RUFY3: variants seen among roughly 807,000 people sequenced by gnomAD.
RUFY3 encodes the protein protein RUFY3.
In RUFY3, 34 loss-of-function variants were observed where a neutral mutation model predicts 84.0. The observed-to-expected ratio is 0.40, with a 90% confidence interval of 0.31 to 0.54. The LOEUF (loss-of-function observed/expected upper bound fraction) is 0.54, where lower values mean the gene tolerates loss of function less well. Among genes scored for constraint, RUFY3 ranks in the 20% least tolerant of loss-of-function variants. The probability of loss-of-function intolerance (pLI) is 0.39; values close to 1 mark genes in which losing one functional copy is unlikely to be tolerated. For missense variants in RUFY3, 507 were observed against 736.8 expected, an observed-to-expected ratio of 0.69 and a Z score of 3.61; for synonymous variants, 242 against 252.9, an observed-to-expected ratio of 0.96 and a Z score of 0.41.
At chr4:70,752,308 T>TTG (rs139830851) in intron 1 of RUFY3, among the ~76,000 whole-genome samples, 11,122 of 151,602 alleles carry the variant, frequency 0.073, 641 homozygotes, top group East Asian at 0.21. Flanking sequence ...TGTACATACT[T>TTG]TGTGTGTGTG....
intron 1 of RUFY3, among the ~76,000 whole-genome samples, chr4:70,712,711 T>G (rs914776400): frequency 6.6e-6 from 1 of 152,164 alleles, no homozygotes; most frequent in South Asian, 2.1e-4. Context: ...ATGAAATAAT[T>G]TTTTTGTTGG....
At chr4:70,713,060 G>A (rs1741160593) in intron 1 of RUFY3, among the ~76,000 whole-genome samples, 1 of 152,142 alleles carries the variant, frequency 6.6e-6, no homozygotes, top group Non-Finnish European at 1.5e-5. Context: ...TTTCACTTTT[G>A]TTGCCCAGTT....
chr4:70,710,392 C>T (rs1015910604), intron 1 of RUFY3, among the ~76,000 whole-genome samples: 8 of 151,462 alleles, frequency 5.3e-5, no homozygotes, highest in South Asian at 4.2e-4. Flanking sequence ...CAGTAAAGGT[C>T]GGGTGCGGTG....
upstream of RUFY3, chr4:70,721,958 C>T: frequency 4.9e-6 from 6 of 1,232,068 alleles, no homozygotes; most frequent in Non-Finnish European, 6.1e-6. Flanking sequence ...CCTGAATTTT[C>T]AGTTCAGTTC....
At chr4:70,729,248 C>T (rs1718804950) in intron 1 of RUFY3, among the ~76,000 whole-genome samples, 1 of 152,022 alleles carries the variant, frequency 6.6e-6, no homozygotes, top group Non-Finnish European at 1.5e-5. Context: ...GTGATCACTT[C>T]ATGCTTGAGT....
At chr4:70,758,190 G>C (rs140759662) in intron 1 of RUFY3, among the ~76,000 whole-genome samples, 1 of 152,258 alleles carries the variant, frequency 6.6e-6, no homozygotes, top group East Asian at 1.9e-4. Flanking sequence ...TCCATACTCT[G>C]TCAGGTCATT....
intron 7 of RUFY3, among the ~76,000 whole-genome samples, chr4:70,775,762 A>G (rs1727835418): frequency 6.6e-6 from 1 of 152,058 alleles, no homozygotes; most frequent in South Asian, 2.1e-4. Flanking sequence ...CTAGGGTAAC[A>G]TAGCAAGACC....
intron 6 of RUFY3, 29 bp downstream of exon 6, chr4:70,773,601 T>C: frequency 1.0e-5 from 15 of 1,498,712 alleles, no homozygotes; most frequent in Non-Finnish European, 1.2e-5. Context: ...AGATTTCTTT[T>C]CTCCTGATGT....
intron 1 of RUFY3, among the ~76,000 whole-genome samples, chr4:70,749,304 C>T (rs933463725): frequency 2.0e-5 from 3 of 152,066 alleles, no homozygotes; most frequent in South Asian, 4.1e-4. Context: ...GTCTGGGAAA[C>T]TTTCCAAAAC....
intron 1 of RUFY3, among the ~76,000 whole-genome samples, chr4:70,744,365 T>C (rs1003310456): frequency 6.6e-6 from 1 of 151,360 alleles, no homozygotes; most frequent in Admixed American, 6.6e-5. Context: ...TTTTTATGTA[T>C]GTATGTATGT....
intron 8 of RUFY3, among the ~76,000 whole-genome samples, chr4:70,779,584 CTTT>C (rs779419538): frequency 7.7e-6 from 1 of 130,484 alleles, no homozygotes. Flanking sequence ...ATTTCTTTTT[CTTT>C]TTTTTTTTTT....
At chr4:70,715,400 A>G (rs960706947) in intron 1 of RUFY3, among the ~76,000 whole-genome samples, 2 of 151,830 alleles carry the variant, frequency 1.3e-5, no homozygotes, top group African/African-American at 2.4e-5. Context: ...GCTGGCCAAC[A>G]TGGCGAAACC....
rs575894062 is a variant in RUFY3 at position 70,785,969 on chromosome 4, A to C, written c.1071+1090A>C. 3.3e-5 allele frequency among the ~76,000 whole-genome samples: 5 copies of C among 152,384 alleles called. No homozygotes were observed. The East Asian group carries it at 5.8e-4, about 18-fold the overall frequency. ...GTACTCCTATGTTTATTGCAGCACTATTCACAGTAGCCAAGATAGGGAATC... is the reference window on the plus strand; with the variant it reads ...GTACTCCTATGTTTATTGCAGCACTCTTCACAGTAGCCAAGATAGGGAATC... On this transcript the variant is annotated intron_variant, in intron 10 of 17. Transcript: ENST00000381006.
chr4:70,746,504 C>CA (rs1178734323), intron 1 of RUFY3, among the ~76,000 whole-genome samples: 4,127 of 64,716 alleles, frequency 0.064, 206 homozygotes, highest in African/African-American at 0.15. Flanking sequence ...AAGACTGTCT[C>CA]AAAAAAAAAA....
intron 4 of RUFY3, among the ~76,000 whole-genome samples, chr4:70,766,724 CA>C (rs1726001720): frequency 6.6e-6 from 1 of 152,160 alleles, no homozygotes; most frequent in East Asian, 1.9e-4. Flanking sequence ...CCTACATTGA[CA>C]CATCATTATC....
At chr4:70,737,245 T>C (rs1051054555) in intron 1 of RUFY3, among the ~76,000 whole-genome samples, 5 of 152,330 alleles carry the variant, frequency 3.3e-5, no homozygotes, top group East Asian at 1.9e-4. Context: ...CTACTTTTTT[T>C]TTTTAAGCTA....
chr4:70,785,113 T>G (rs1729565629), intron 10 of RUFY3, among the ~76,000 whole-genome samples: 1 of 152,216 alleles, frequency 6.6e-6, no homozygotes, highest in Non-Finnish European at 1.5e-5. Context: ...TTTTATAGTT[T>G]GTATTACAAG....
chr4:70,735,246 G>A (rs1720083402), intron 1 of RUFY3, among the ~76,000 whole-genome samples: 1 of 152,144 alleles, frequency 6.6e-6, no homozygotes, highest in African/African-American at 2.4e-5. Flanking sequence ...GGGGGAGGTG[G>A]AGAGTATATA....
At chr4:70,798,610 C>T (rs1305872867) in intron 14 of RUFY3, among the ~76,000 whole-genome samples, 3 of 152,088 alleles carry the variant, frequency 2.0e-5, no homozygotes, top group Non-Finnish European at 1.5e-5. Flanking sequence ...GGTGAAACCC[C>T]ATCTCTACTA....
Sources: allele counts gnomAD v4.1 joint callset (sites outside exome capture counted in the v4.1 genomes callset), GRCh38; gene constraint gnomAD v4.1.1; transcripts MANE v1.5; gene names NCBI Gene and HGNC (gene_info 2026-07-23, HGNC 2026-07-21).